ZC3H13: variants seen among roughly 807,000 people sequenced by gnomAD.
ZC3H13 encodes the protein zinc finger CCCH domain-containing protein 13.
ZC3H13 carries 64 observed loss-of-function variants against 204.1 expected under a neutral mutation model. The ratio of observed to expected loss-of-function variants is 0.31; its 90% CI spans 0.26 to 0.39. The LOEUF (loss-of-function observed/expected upper bound fraction) is 0.39, where lower values mean the gene tolerates loss of function less well. Ranked by LOEUF, ZC3H13 falls within the 10% of genes least tolerant of loss-of-function variation. ZC3H13 has a pLI of 1.00. For synonymous variants in ZC3H13, 667 were observed against 693.7 expected (o/e 0.96, Z 0.60); for missense variants, 1,833 against 2,082.7 (o/e 0.88, Z 2.33).
At chr13:46,050,941 A>C (rs979578442) in intron 1 of ZC3H13, among the ~76,000 whole-genome samples, 1 of 152,180 alleles carries the variant, frequency 6.6e-6, no homozygotes, top group African/African-American at 2.4e-5. Flanking sequence ...TATCAACAGC[A>C]GTTAATGCTT....
At chr13:45,987,267 ACTTAAAACGCCTATGATTTAAGTCCCTT>A (rs2039612975) in intron 9 of ZC3H13, among the ~76,000 whole-genome samples, 1 of 152,222 alleles carries the variant, frequency 6.6e-6, no homozygotes, top group Non-Finnish European at 1.5e-5. Context: ...CTTACAAAGA[ACTTAAAACGCCTATGATTTAAGTCCCTT>A]CTTAACACAA....
Position 45,962,648 on chromosome 13 carries a change from T to A in ZC3H13, c.4675+1194A>T, listed in dbSNP as rs1951772901. 3 of 980,420 alleles carry A rather than the reference T, an allele frequency of 3.1e-6. No homozygotes were observed. The African/African-American group carries it at 5.3e-5, about 17-fold the overall frequency. The allele number at this position is 980,420 out of a possible 1,614,324, so 60.7% of individuals were successfully genotyped here. On this transcript the variant is annotated intron_variant, in intron 17 of 18. Coordinates refer to ENST00000679008, the MANE Select transcript of ZC3H13 (RefSeq NM_001330564.2). ...ATTGGGCTATATTAAAATAAAAAAA[T>A]TTACTGCTTATGCTAATAGAGTAAA... is the stretch of plus-strand genomic sequence containing the variant.
chr13:45,969,176 G>C lies in ZC3H13; in HGVS notation c.3368C>G (p.Thr1123Ser). The C allele has an allele frequency of 6.2e-7, 1 of 1,614,076 alleles. No homozygotes were observed. The highest frequency in any genetic ancestry group is 8.5e-7 in the Non-Finnish European group (1 of 1,180,006). Residue 1123 changes from threonine to serine, a missense_variant, in exon 14 of 19, where the codon ACT becomes AGT. Around this residue, in one of 5 missense-constraint regions of ZC3H13, gnomAD observed 1,574 missense variants for 1,757.2 expected, o/e 0.90. Coordinates refer to ENST00000679008, the MANE Select transcript of ZC3H13 (RefSeq NM_001330564.2). Reference protein sequence around the residue: ...TTVPATLAATTAAAATSFSTS... With the variant: ...TTVPATLAATSAAAATSFSTS... Reference sequence around the variant, plus strand: ...GCTGAAAGAGGTGGCGGCAGCAGCAGTAGTGGCAGCAAGAGTTGCAGGCAC... The same window carrying C: ...GCTGAAAGAGGTGGCGGCAGCAGCACTAGTGGCAGCAAGAGTTGCAGGCAC...
chr13:45,998,648 C>CAAAAAAAAATAAAAAAAAAAAAAAAAA (rs1555285318), intron 8 of ZC3H13, among the ~76,000 whole-genome samples: 2 of 140,698 alleles, frequency 1.4e-5, no homozygotes, highest in African/African-American at 5.2e-5. Context: ...AACTCCGTCT[C>CAAAAAAAAATAAAAAAAAAAAAAAAAA]AAAAAAAAAA....
intron 4 of ZC3H13, among the ~76,000 whole-genome samples, chr13:46,027,204 A>C (rs907362228): frequency 2.0e-5 from 3 of 152,124 alleles, no homozygotes; most frequent in African/African-American, 7.2e-5. Flanking sequence ...TCCTGGGCTC[A>C]AGCCATCCTC....
At chr13:46,017,082 G>A (rs1347373191) in intron 5 of ZC3H13, among the ~76,000 whole-genome samples, 4 of 152,092 alleles carry the variant, frequency 2.6e-5, no homozygotes, top group African/African-American at 9.7e-5. Flanking sequence ...TAAATTGAGA[G>A]CTCCAGATTT....
intron 8 of ZC3H13, among the ~76,000 whole-genome samples, chr13:46,000,693 G>A (rs371399308): frequency 1.3e-5 from 2 of 152,258 alleles, no homozygotes; most frequent in South Asian, 4.1e-4. Context: ...GTGTTCATTG[G>A]AGTAGCACTT....
At chr13:45,975,148 A>C (rs1469241471) in intron 12 of ZC3H13, 135 bp downstream of exon 12, 1 of 1,385,390 alleles carries the variant, frequency 7.2e-7, no homozygotes, top group Non-Finnish European at 9.6e-7. Context: ...TACATATACT[A>C]AATTTGAAAA....
At chr13:45,979,700 G>A (rs1230608458) in intron 11 of ZC3H13, 113 bp downstream of exon 11, 10 of 1,064,882 alleles carry the variant, frequency 9.4e-6, no homozygotes, top group South Asian at 1.8e-5. Flanking sequence ...ATGTGTCATC[G>A]AGCACAAGCC....
At chr13:45,976,179 C>A in intron 11 of ZC3H13, 1 of 985,026 alleles carries the variant, frequency 1.0e-6, no homozygotes, top group Non-Finnish European at 1.2e-6. Flanking sequence ...CTCTACCCTT[C>A]ACCTCTGATC....
chr13:46,005,346 T>TCTC (rs2138557935), intron 7 of ZC3H13, among the ~76,000 whole-genome samples: 1 of 152,330 alleles, frequency 6.6e-6, no homozygotes, highest in Admixed American at 6.5e-5. Context: ...CTCTTGGATC[T>TCTC]CTCCTCCATG....
intron 5 of ZC3H13, among the ~76,000 whole-genome samples, chr13:46,018,709 CA>C (rs1292340715): frequency 1.3e-5 from 2 of 152,108 alleles, no homozygotes; most frequent in African/African-American, 4.8e-5. Flanking sequence ...GAAGGTTTGA[CA>C]TACCTACCAG....
intron 8 of ZC3H13, among the ~76,000 whole-genome samples, chr13:45,995,835 T>C (rs929034326): frequency 3.3e-5 from 5 of 152,348 alleles, no homozygotes; most frequent in Non-Finnish European, 5.9e-5. Context: ...GTCCCAGGTA[T>C]TTCTTTATAG....
chr13:46,029,879 T>A (rs1842362254), intron 4 of ZC3H13, among the ~76,000 whole-genome samples: 1 of 152,162 alleles, frequency 6.6e-6, no homozygotes, highest in Non-Finnish European at 1.5e-5. Context: ...AAAAAGTAAC[T>A]ATATAAAATG....
chr13:45,960,601 A>C (rs1945728339), intron 17 of ZC3H13, among the ~76,000 whole-genome samples: 1 of 152,224 alleles, frequency 6.6e-6, no homozygotes, highest in South Asian at 2.1e-4. Flanking sequence ...AAACCCCAGA[A>C]GAATTAAGGA....
chr13:46,042,672 T>C (rs1217645997), intron 3 of ZC3H13, among the ~76,000 whole-genome samples: 2 of 152,092 alleles, frequency 1.3e-5, no homozygotes, highest in Non-Finnish European at 2.9e-5. Flanking sequence ...AGTTTTAAAC[T>C]ACAAAGTTGC....
Position 45,975,375 on chromosome 13 carries a change from G to GTCTTTT in ZC3H13, c.2375_2376insAAAAGA (p.Glu791_Asp792insGluLys). 2 of 1,613,776 alleles carry GTCTTTT rather than the reference G, an allele frequency of 1.2e-6. No homozygotes were observed. Among genetic ancestry groups the GTCTTTT allele is most frequent in the Non-Finnish European group, 1.7e-6 (2 of 1,179,934 alleles). On this transcript the variant is annotated inframe_insertion, in exon 12 of 19. Transcript: ENST00000679008. ...TGCGGTCATCTCGTCCTTTGTCTTT[G>GTCTTTT]TCTTCCCAATCCCTTTGGCGTTCTC... is the stretch of plus-strand genomic sequence containing the variant.
At chr13:46,041,515 T>C (rs963497341) in intron 4 of ZC3H13, among the ~76,000 whole-genome samples, 2 of 152,114 alleles carry the variant, frequency 1.3e-5, no homozygotes, top group African/African-American at 4.8e-5. Context: ...ACTCTAATAA[T>C]ACTAAAAACC....
At chr13:46,034,082 A>C (rs2043064423) in intron 4 of ZC3H13, among the ~76,000 whole-genome samples, 1 of 152,120 alleles carries the variant, frequency 6.6e-6, no homozygotes, top group Admixed American at 6.5e-5. Context: ...AACATCACTA[A>C]CCATTAAGAA....
Sources: gnomAD v4.1 joint callset for allele counts (sites outside exome capture counted in the v4.1 genomes callset) on GRCh38, gnomAD v4.1.1 for gene constraint, gnomAD v4.1.1 regional missense constraint, MANE v1.5 for transcripts, NCBI Gene and HGNC (gene_info 2026-07-23, HGNC 2026-07-21) for gene names.